MAP3K6: variants seen among roughly 807,000 people sequenced by gnomAD.
The protein encoded by MAP3K6 is mitogen-activated protein kinase kinase kinase 6.
Under a neutral mutation model 147.1 loss-of-function variants are expected in MAP3K6, and 105 were observed. The observed-to-expected ratio is 0.71, with a 90% confidence interval of 0.61 to 0.84. MAP3K6 has a LOEUF of 0.84. Among genes scored for constraint, MAP3K6 ranks in the 40% least tolerant of loss-of-function variants. The pLI is 0.00. For missense variants in MAP3K6, 1,569 were observed against 1,715.0 expected (o/e 0.91, Z 1.50); for synonymous variants, 695 against 732.4 (o/e 0.95, Z 0.82).
chr1:27,361,178 G>A lies in MAP3K6; in HGVS notation c.1811C>T (p.Pro604Leu), dbSNP rs777852801. 1 of 1,611,916 alleles carries A rather than the reference G, an allele frequency of 6.2e-7. No homozygotes were observed. Among genetic ancestry groups the A allele is most frequent in the Admixed American group, 1.7e-5 (1 of 59,734 alleles). Reference protein sequence around the residue: ...PPAQDVQLCFPSVGHCQWFCG... With the variant: ...PPAQDVQLCFLSVGHCQWFCG... ...GCACCACTGGCAGTGCCCTACGCTG[G>A]GGAAGCACAGCTGGACGTCCTGAGC... Residue 604 changes from proline (P) to leucine (L), a missense_variant, in exon 13 of 29, where the codon CCC becomes CTC. Transcript: ENST00000357582.
At chr1:27,362,326 G>T in intron 8 of MAP3K6, 76 bp from the exon 9 acceptor site, 3 of 1,438,070 alleles carry the variant, frequency 2.1e-6, no homozygotes, top group Non-Finnish European at 2.8e-6. Flanking sequence ...GTGGGCCCGA[G>T]TGTGGACATG....
At chr1:27,355,903 C>G (rs2015503872) in intron 27 of MAP3K6, 123 bp downstream of exon 27, 1 of 1,131,692 alleles carries the variant, frequency 8.8e-7, no homozygotes. Context: ...GACGAGAATA[C>G]TAAGTGTTCT....
Position 27,366,719 on chromosome 1 carries a change from G to T in MAP3K6, c.-122C>A. 1.4e-6 allele frequency: 1 copy of T among 715,740 alleles called. No individual in the cohort carries two copies. Among genetic ancestry groups the T allele is most frequent in the Non-Finnish European group, 1.7e-6 (1 of 580,074 alleles). 44.3% of individuals were successfully genotyped at this position (715,740 alleles called of 1,614,324 possible). A position where few individuals can be genotyped will look rare whatever the true frequency, so the allele number is the denominator to read the frequency against. ...TTCGGAATCGGAGAATCTCCCACGG[G>T]ATCTAGGGATCCGGAATACGGCCTG... On this transcript the variant is annotated 5_prime_UTR_variant, in exon 1 of 29. Coordinates refer to ENST00000357582, the MANE Select transcript of MAP3K6 (RefSeq NM_004672.5). The surrounding 1 kb of genome is among the most constrained non-coding windows in gnomAD (Gnocchi z 5.5).
rs951610158 is a variant in MAP3K6 at position 27,365,217 on chromosome 1, A to T, written c.341-305T>A. ...TTGAGTCTGTTACGGGCCATTTAGG[A>T]GGTGGGAGTTGCGCAAACATAGAAG... is the stretch of plus-strand genomic sequence containing the variant. On this transcript the variant is annotated intron_variant, in intron 1 of 28. Coordinates refer to ENST00000357582, the MANE Select transcript of MAP3K6 (RefSeq NM_004672.5). 4.6e-5 allele frequency among the ~76,000 whole-genome samples: 7 copies of T among 152,128 alleles called. 1 individual carries two copies. The South Asian group carries it at 1.5e-3, about 32-fold the overall frequency.
Position 27,359,401 on chromosome 1 carries a change from C to G in MAP3K6, c.2425+16G>C, listed in dbSNP as rs1436747461. On this transcript the variant is annotated intron_variant, in intron 18 of 28. Transcript: ENST00000357582. This position sits in a 1 kb window ranked among gnomAD's most constrained non-coding sequence, Gnocchi z 4.4. ...CCAGGTCAGCATCCCCACTCACCAC[C>G]CCCACACCTTGTTACCTGTGAAGGT... 6.2e-7 allele frequency: 1 copy of G among 1,614,070 alleles called. No individual in the cohort carries two copies. The highest frequency in any genetic ancestry group is 1.1e-5 in the South Asian group (1 of 91,070).
Position 27,360,617 on chromosome 1 carries a change from C to T in MAP3K6, c.2054+88G>A. ...AGGTCCTACGAGCCCGCCCACTAGG[C>T]CCCGCCCACAGGAGCCGCTCCGCTC... On this transcript the variant is annotated intron_variant, in intron 15 of 28. Transcript: ENST00000357582. The surrounding 1 kb of genome is among the most constrained non-coding windows in gnomAD (Gnocchi z 4.5). 1 of 1,500,284 alleles carries T rather than the reference C, an allele frequency of 6.7e-7. No homozygotes were observed. Among genetic ancestry groups the T allele is most frequent in the Non-Finnish European group, 8.9e-7 (1 of 1,126,886 alleles). 92.9% of individuals were successfully genotyped at this position (1,500,284 alleles called of 1,614,324 possible).
intron 6 of MAP3K6, 152 bp from the exon 7 acceptor site, chr1:27,363,173 T>C (rs755850263): frequency 1.1e-5 from 8 of 719,796 alleles, no homozygotes; most frequent in Non-Finnish European, 1.8e-5. Context: ...ACCTCTCTAG[T>C]GACCTCAGAT....
At position 27,356,477 on chromosome 1, in the gene MAP3K6, T is replaced by C. The variant is rs1350873248; in HGVS notation, c.3548A>G (p.Lys1183Arg). ...TDRLREILAG[K>R]EREYQALVQR... The stretch of plus-strand genomic sequence containing the variant: ...CACCAGGGCCTGGTACTCCCGTTCC[T>C]TCCCCGCCAGGATTTCGCGCAGCCT... Residue 1183 changes from lysine to arginine, a missense_variant, in exon 26 of 29, where the codon AAG becomes AGG. Coordinates refer to ENST00000357582, the MANE Select transcript of MAP3K6 (RefSeq NM_004672.5). 13 of 1,613,820 alleles carry C rather than the reference T, an allele frequency of 8.1e-6. No individual in the cohort carries two copies. Among genetic ancestry groups the C allele is most frequent in the East Asian group, 2.2e-5 (1 of 44,906 alleles).
chr1:27,366,672 GA>G lies in MAP3K6; in HGVS notation c.-76del. ...GCAGGAGCCTGGGCCGGCAGATCAG[GA>G]ATCTTGGGATCTGGAATCCGTTCGG... On this transcript the variant is annotated 5_prime_UTR_variant, in exon 1 of 29. Coordinates refer to ENST00000357582, the MANE Select transcript of MAP3K6 (RefSeq NM_004672.5). This position sits in a 1 kb window ranked among gnomAD's most constrained non-coding sequence, Gnocchi z 5.5. The G allele has an allele frequency of 9.9e-7, 1 of 1,009,530 alleles. No individual in the cohort carries two copies. Among genetic ancestry groups the G allele is most frequent in the Non-Finnish European group, 1.2e-6 (1 of 842,882 alleles). The allele number at this position is 1,009,530 out of a possible 1,614,324, so 62.5% of individuals were successfully genotyped here.
Position 27,358,263 on chromosome 1 carries a change from A to T in MAP3K6, c.2833T>A (p.Phe945Ile). Residue 945 changes from phenylalanine (F) to isoleucine (I), a missense_variant, in exon 21 of 29, where the codon TTC (phenylalanine) becomes ATC (isoleucine). Physicochemically the swap from Phe to Ile is conservative, Grantham distance 21 (BLOSUM62 0). Transcript: ENST00000357582. This position sits in a 1 kb window ranked among gnomAD's most constrained non-coding sequence, Gnocchi z 6.2. ...SANSTTQSQT[F>I]PCPQAPSQHP... Reference sequence around the variant, plus strand: ...TGAGAGGGTGCCTGAGGGCACGGGAATGTCTGAGACTGGGTGGTTGAGTTG... The same window carrying T: ...TGAGAGGGTGCCTGAGGGCACGGGATTGTCTGAGACTGGGTGGTTGAGTTG... The T allele has an allele frequency of 6.2e-7, 1 of 1,603,882 alleles. No individual in the cohort carries two copies. The highest frequency in any genetic ancestry group is 1.3e-5 in the African/African-American group (1 of 74,106).
At chr1:27,363,294 GAAC>G (rs1171857026) in intron 6 of MAP3K6, 145 bp downstream of exon 6, 2 of 698,876 alleles carry the variant, frequency 2.9e-6, no homozygotes, top group South Asian at 1.9e-5. Flanking sequence ...CAGTAACTCA[GAAC>G]AACAGGGACC....
Position 27,358,367 on chromosome 1 carries a change from G to A in MAP3K6, c.2777-48C>T, listed in dbSNP as rs947122184. 3.1e-6 allele frequency: 5 copies of A among 1,589,670 alleles called. No individual in the cohort carries two copies. The highest frequency in any genetic ancestry group is 3.9e-5 in the Admixed American group (2 of 50,650). On this transcript the variant is annotated intron_variant, in intron 20 of 28. Transcript: ENST00000357582. The surrounding 1 kb of genome is among the most constrained non-coding windows in gnomAD (Gnocchi z 6.2). ...AGCTGGGCTCTCCTCCACCCTCACA[G>A]CTCCACAACTCCTCTGCCCTCCACT...
chr1:27,361,597 G>C lies in MAP3K6; in HGVS notation c.1609C>G (p.Leu537Val), dbSNP rs370120193. The stretch of plus-strand genomic sequence containing the variant: ...CCCCGAACCTCGAGCTTTGCAGGCA[G>C]CAGCACCTTGTTCATCTCCAGGACC... Reference protein sequence around the residue: ...VLVLEMNKVLLPAKLEVRGTD... With the variant: ...VLVLEMNKVLVPAKLEVRGTD... Residue 537 changes from leucine (L) to valine (V), a missense_variant, in exon 11 of 29, where the codon CTG becomes GTG. Transcript: ENST00000357582. 2 of 1,614,200 alleles carry C rather than the reference G, an allele frequency of 1.2e-6. No homozygotes were observed. Among genetic ancestry groups the C allele is most frequent in the Non-Finnish European group, 1.7e-6 (2 of 1,180,046 alleles).
chr1:27,364,718 T>C lies in MAP3K6; in HGVS notation c.481-34A>G. Reference sequence around the variant, plus strand: ...GGCAGACAGTCAGATACTGGTGTTCTGTGTAGGCCTTACCCCAGCCCTGTG... The same window carrying C: ...GGCAGACAGTCAGATACTGGTGTTCCGTGTAGGCCTTACCCCAGCCCTGTG... On this transcript the variant is annotated intron_variant, in intron 2 of 28. Transcript: ENST00000357582. This position sits in a 1 kb window ranked among gnomAD's most constrained non-coding sequence, Gnocchi z 4.4. 1 of 1,614,136 alleles carries C rather than the reference T, an allele frequency of 6.2e-7. No homozygotes were observed. The highest frequency in any genetic ancestry group is 8.5e-7 in the Non-Finnish European group (1 of 1,180,002).
chr1:27,357,604 G>C (rs754253888), intron 22 of MAP3K6, 28 bp from the exon 23 acceptor site: 1 of 1,597,492 alleles, frequency 6.3e-7, no homozygotes, highest in South Asian at 1.1e-5. Context: ...GGTTGTCAGC[G>C]AGTGCTCCAG....
chr1:27,356,803 C>T (rs886374050), intron 24 of MAP3K6, 54 bp from the exon 25 acceptor site: 5 of 1,522,426 alleles, frequency 3.3e-6, no homozygotes, highest in Non-Finnish European at 4.4e-6. Flanking sequence ...TTTGGGAACC[C>T]CAGACCCCAA....
In MAP3K6 at chr1:27,357,549, C is replaced by T; in HGVS notation, c.3109G>A (p.Glu1037Lys). The T allele has an allele frequency of 6.2e-7, 1 of 1,612,310 alleles. No individual in the cohort carries two copies. Among genetic ancestry groups the T allele is most frequent in the East Asian group, 2.2e-5 (1 of 44,846 alleles). ...QGARLGRNHVEELLRCLGAHI... is the reference protein window; with the variant it reads ...QGARLGRNHVKELLRCLGAHI... ...GCCCCGAGGCAGCGCAGCAGCTCTTCCACATGGTTTCTGCCCAGACGGGCC... is the reference window on the plus strand; with the variant it reads ...GCCCCGAGGCAGCGCAGCAGCTCTTTCACATGGTTTCTGCCCAGACGGGCC... The change falls in exon 23 of 29, where the codon GAA (glutamate) becomes AAA (lysine). Residue 1037 changes from glutamate (E) to lysine (K), a missense_variant. Glu to Lys is a moderately conservative substitution (Grantham distance 56). Transcript: ENST00000357582.
In MAP3K6 at chr1:27,358,440, G is replaced by C. The variant is rs758955466; in HGVS notation, c.2755C>G (p.Arg919Gly). ...GKRSRSPSSP[R>G]HAPRPSDAPS... ...GCACCTGAGGGCCGTGGAGCATGTCGTGGGGAGCTGGGGCTGCGGCTCCTT... is the reference window on the plus strand; with the variant it reads ...GCACCTGAGGGCCGTGGAGCATGTCCTGGGGAGCTGGGGCTGCGGCTCCTT... Residue 919 changes from arginine to glycine, a missense_variant, in exon 20 of 29, where the codon CGA (arginine) becomes GGA (glycine). Transcript: ENST00000357582. The surrounding 1 kb of genome is among the most constrained non-coding windows in gnomAD (Gnocchi z 6.2). The C allele has an allele frequency of 1.9e-6, 3 of 1,594,404 alleles. No individual in the cohort carries two copies. The highest frequency in any genetic ancestry group is 3.8e-5 in the Admixed American group (2 of 52,634).
rs748337057 is a variant in MAP3K6, at chr1:27,361,045, T to C, written c.1833-37A>G. The C allele has an allele frequency of 1.9e-6, 3 of 1,540,514 alleles. No homozygotes were observed. The Admixed American group carries it at 5.9e-5, about 30-fold the overall frequency. On this transcript the variant is annotated intron_variant, in intron 13 of 28. Transcript: ENST00000357582. ...GGAGGTCAGACCCGCGGGAGGGGCATCTTGGTCCCCACCTAAGCCGGAGCA... is the reference window on the plus strand; with the variant it reads ...GGAGGTCAGACCCGCGGGAGGGGCACCTTGGTCCCCACCTAAGCCGGAGCA...
Sources: allele counts gnomAD v4.1 joint callset (sites outside exome capture counted in the v4.1 genomes callset), GRCh38; gene constraint gnomAD v4.1.1; non-coding constraint Gnocchi (gnomAD v3.1); transcripts MANE v1.5; gene names NCBI Gene and HGNC (gene_info 2026-07-23, HGNC 2026-07-21).